PTPRG: variants seen among roughly 807,000 people sequenced by gnomAD.
The protein encoded by PTPRG is protein tyrosine phosphatase receptor type G.
A neutral mutation model predicts 165.3 loss-of-function variants in PTPRG; 102 were observed. That is an observed-to-expected ratio of 0.62 (90% CI 0.53 to 0.73). PTPRG has a LOEUF of 0.73. Ranked by LOEUF, PTPRG falls within the 30% of genes least tolerant of loss-of-function variation. The pLI, the probability that PTPRG is intolerant of heterozygous loss-of-function variation, is 0.00. For missense variants in PTPRG, 1,866 were observed against 1,861.4 expected, an observed-to-expected ratio of 1.00 and a Z score of -0.05; for synonymous variants, 675 against 669.5, an observed-to-expected ratio of 1.01 and a Z score of -0.13.
chr3:62,295,449 AT>A lies in PTPRG; in HGVS notation c.*2148del, dbSNP rs1042956055. 2.6e-5 allele frequency: 4 copies of A among 151,992 alleles called. No individual in the cohort carries two copies. Among genetic ancestry groups the A allele is most frequent in the African/African-American group, 9.7e-5 (4 of 41,396 alleles). 9.4% of individuals were successfully genotyped at this position (151,992 alleles called of 1,614,324 possible). A position where few individuals can be genotyped will look rare whatever the true frequency, so the allele number is the denominator to read the frequency against. ...AGGGTTCATGGTCCCTTTCTCAGTA[AT>A]TTTTTCTTAATAAAAGTAAACACTG... is the stretch of plus-strand genomic sequence containing the variant. On this transcript the variant is annotated 3_prime_UTR_variant, in exon 30 of 30. Coordinates refer to ENST00000474889, the MANE Select transcript of PTPRG (RefSeq NM_002841.4).
chr3:62,173,260 C>A (rs1412453227), intron 8 of PTPRG, among the ~76,000 whole-genome samples: 2 of 147,458 alleles, frequency 1.4e-5, no homozygotes, highest in African/African-American at 5.0e-5. Context: ...GTTTTTTTTT[C>A]CTTCCAAATA....
Position 61,640,932 on chromosome 3 carries a change from T to C in PTPRG, c.85+78560T>C, listed in dbSNP as rs114626321. Among the ~76,000 whole-genome samples, 922 of 152,290 alleles carry C rather than the reference T, an allele frequency of 6.1e-3. 2 individuals carry two copies. The highest frequency in any genetic ancestry group is 0.021 in the African/African-American group (882 of 41,574). ...GCCCATCAGAAGAGAAACTGTTGGA[T>C]TGCATGGTGCCCCTTGCTGTTTGAG... On this transcript the variant is annotated intron_variant, in intron 1 of 29. Transcript: ENST00000474889.
At position 61,989,574 on chromosome 3, in the gene PTPRG, C is replaced by T. The variant is rs769551478; in HGVS notation, c.191-51C>T. ...TCAGCTTCCTAAGATTTATTCATTT[C>T]ATCCCTGACCCTTGAACCATGAGGA... On this transcript the variant is annotated intron_variant, in intron 2 of 29. Coordinates refer to ENST00000474889, the MANE Select transcript of PTPRG (RefSeq NM_002841.4). 3 of 1,547,118 alleles carry T rather than the reference C, an allele frequency of 1.9e-6. No homozygotes were observed. The South Asian group carries it at 3.7e-5, about 19-fold the overall frequency.
intron 2 of PTPRG, among the ~76,000 whole-genome samples, chr3:61,837,393 A>G (rs1045003896): frequency 6.6e-6 from 1 of 152,140 alleles, no homozygotes; most frequent in Admixed American, 6.5e-5. Context: ...TTTGACAGTT[A>G]CCCAGTAATA....
chr3:61,605,055 A>G (rs975617262), intron 1 of PTPRG, among the ~76,000 whole-genome samples: 3 of 151,836 alleles, frequency 2.0e-5, no homozygotes, highest in African/African-American at 7.3e-5. Context: ...ATCATGCCAC[A>G]CTCTGTCCTT....
chr3:62,259,422 C>T lies in PTPRG; in HGVS notation c.2560-3376C>T, dbSNP rs745592174. Among the ~76,000 whole-genome samples the T allele has an allele frequency of 2.2e-4, 34 of 151,906 alleles. 1 individual carries two copies. The highest frequency in any genetic ancestry group is 2.2e-4 in the Non-Finnish European group (15 of 67,964). On this transcript the variant is annotated intron_variant, in intron 16 of 29. Transcript: ENST00000474889. ...TAAAAAATTGCAGGGAAAAAAAAAACCCTCAATGTTTTAAGAAAGTTTACG... is the reference window on the plus strand; with the variant it reads ...TAAAAAATTGCAGGGAAAAAAAAAATCCTCAATGTTTTAAGAAAGTTTACG...
intron 1 of PTPRG, among the ~76,000 whole-genome samples, chr3:61,622,579 A>C (rs1029273086): frequency 6.6e-6 from 1 of 152,190 alleles, no homozygotes. Context: ...ACAAGGATTT[A>C]CAAATCTTGT....
At chr3:61,824,980 G>A (rs562765785) in intron 2 of PTPRG, among the ~76,000 whole-genome samples, 6 of 152,212 alleles carry the variant, frequency 3.9e-5, no homozygotes, top group Non-Finnish European at 7.3e-5. Flanking sequence ...TTAACTAGGT[G>A]TGGTCTTGAA....
chr3:61,643,160 A>G (rs1033046656), intron 1 of PTPRG, among the ~76,000 whole-genome samples: 1 of 152,226 alleles, frequency 6.6e-6, no homozygotes, highest in Admixed American at 6.5e-5. Context: ...CATATCCATG[A>G]AAGTCTGTAG....
intron 1 of PTPRG, among the ~76,000 whole-genome samples, chr3:61,612,372 A>G (rs887857558): frequency 9.2e-5 from 14 of 152,214 alleles, no homozygotes; most frequent in African/African-American, 2.2e-4. Flanking sequence ...TGACTCTACA[A>G]TTCCATCCAG....
intron 1 of PTPRG, chr3:61,742,630 T>C (rs2033039504): frequency 1.1e-5 from 17 of 1,604,474 alleles, no homozygotes; most frequent in Non-Finnish European, 1.4e-5. Flanking sequence ...TAACACCTTC[T>C]TCATTTGGAA....
chr3:61,931,408 C>T (rs2039358057), intron 2 of PTPRG, among the ~76,000 whole-genome samples: 1 of 152,198 alleles, frequency 6.6e-6, no homozygotes. Flanking sequence ...ACACACTGCT[C>T]TTCTGTTTCA....
chr3:61,578,258 T>G (rs1393951621), intron 1 of PTPRG, among the ~76,000 whole-genome samples: 2 of 152,226 alleles, frequency 1.3e-5, no homozygotes, highest in Non-Finnish European at 2.9e-5. Flanking sequence ...AGAAGGGAAC[T>G]TGGAGATTTT....
chr3:61,939,805 C>T (rs1222277471), intron 2 of PTPRG, among the ~76,000 whole-genome samples: 2 of 151,974 alleles, frequency 1.3e-5, no homozygotes, highest in Non-Finnish European at 1.5e-5. Context: ...ATGTGCAGCT[C>T]CATGGGCTTT....
chr3:62,003,934 C>T (rs1343955535), intron 4 of PTPRG, among the ~76,000 whole-genome samples: 1 of 152,166 alleles, frequency 6.6e-6, no homozygotes, highest in South Asian at 2.1e-4. Context: ...TTTGCTCTCA[C>T]TGGCTGTTGA....
intron 4 of PTPRG, among the ~76,000 whole-genome samples, chr3:62,046,140 C>T (rs1700283964): frequency 6.6e-6 from 1 of 152,174 alleles, no homozygotes. Context: ...CACCCTCTCC[C>T]CACTATACAT....
At chr3:61,856,990 C>T (rs1161916527) in intron 2 of PTPRG, among the ~76,000 whole-genome samples, 2 of 152,082 alleles carry the variant, frequency 1.3e-5, no homozygotes, top group African/African-American at 2.4e-5. Context: ...CTACATGAGG[C>T]TCCTTTATTT....
rs77602353 is a variant in PTPRG at position 62,163,481 on chromosome 3, A to G, written c.841-4490A>G. On this transcript the variant is annotated intron_variant, in intron 7 of 29. Coordinates refer to ENST00000474889, the MANE Select transcript of PTPRG (RefSeq NM_002841.4). The stretch of plus-strand genomic sequence containing the variant: ...AAGAGTGTTCTGTAATGCTACTTTA[A>G]TGTCATTATTTAATGTCATTACTTT... Among the ~76,000 whole-genome samples, 901 of 152,298 alleles carry G rather than the reference A, an allele frequency of 5.9e-3. 3 individuals are homozygous for G. The highest frequency in any genetic ancestry group is 9.7e-3 in the Non-Finnish European group (657 of 68,018).
intron 1 of PTPRG, among the ~76,000 whole-genome samples, chr3:61,579,208 C>T (rs964662693): frequency 2.0e-5 from 3 of 152,222 alleles, no homozygotes; most frequent in Non-Finnish European, 4.4e-5. Flanking sequence ...TTATCTCTTG[C>T]TACGTTATCA....
Sources: allele counts gnomAD v4.1 joint callset (sites outside exome capture counted in the v4.1 genomes callset), GRCh38; gene constraint gnomAD v4.1.1; transcripts MANE v1.5; gene names NCBI Gene and HGNC (gene_info 2026-07-23, HGNC 2026-07-21).